The following CALN1 variants were observed in gnomAD, a reference collection of about 807,000 sequenced individuals.
CALN1 encodes calcium-binding protein 8.
Under a neutral mutation model 30.6 loss-of-function variants are expected in CALN1, and 17 were observed. The observed-to-expected ratio is 0.56, with a 90% CI of 0.38 to 0.83. CALN1 has a LOEUF of 0.83. CALN1 is among the 40% of genes least tolerant of loss of function. CALN1 has a pLI of 0.00. For synonymous variants in CALN1, 156 were observed against 131.4 expected, an observed-to-expected ratio of 1.19 and a Z score of -1.28; for missense variants, 291 against 354.9, an observed-to-expected ratio of 0.82 and a Z score of 1.45.
intron 2 of CALN1, among the ~76,000 whole-genome samples, chr7:72,366,680 A>G (rs897921773): frequency 6.6e-6 from 1 of 152,164 alleles, no homozygotes; most frequent in African/African-American, 2.4e-5. Context: ...TATAATGAAT[A>G]TTATTAATTG....
At chr7:72,288,748 T>C (rs6947575) in intron 2 of CALN1, among the ~76,000 whole-genome samples, 46,948 of 152,104 alleles carry the variant, frequency 0.31, 7,814 homozygotes, top group Non-Finnish European at 0.37. Context: ...TTTTCATCTT[T>C]ATGTATTGGA....
intron 3 of CALN1, among the ~76,000 whole-genome samples, chr7:72,242,802 T>G (rs1794924508): frequency 6.6e-6 from 1 of 152,108 alleles, no homozygotes; most frequent in Non-Finnish European, 1.5e-5. Context: ...GCAGGAGAAT[T>G]GCTTCAACCT....
chr7:72,091,978 A>G (rs1220160016), intron 4 of CALN1, among the ~76,000 whole-genome samples: 1 of 152,216 alleles, frequency 6.6e-6, no homozygotes, highest in East Asian at 1.9e-4. Flanking sequence ...CAATTTCAAT[A>G]ATTTACATTT....
chr7:71,829,624 G>A (rs1224345202), intron 5 of CALN1, among the ~76,000 whole-genome samples: 1 of 152,214 alleles, frequency 6.6e-6, no homozygotes, highest in African/African-American at 2.4e-5. Flanking sequence ...GCTAGTGGCG[G>A]CCACACAGCT....
At chr7:72,398,673 G>A (rs772151702) in intron 2 of CALN1, among the ~76,000 whole-genome samples, 2 of 152,214 alleles carry the variant, frequency 1.3e-5, no homozygotes, top group Non-Finnish European at 2.9e-5. Flanking sequence ...CAATCTCATA[G>A]TCTGGACAAG....
rs1192977273 is a variant in CALN1 at position 72,070,417 on chromosome 7, C to A, written c.388+35734G>T. On this transcript the variant is annotated intron_variant, in intron 4 of 6. Transcript: ENST00000395275. Reference sequence around the variant, plus strand: ...GTCCATGAGGCTCTGCCTGGCCCAGCATTCTGTTGTTTACGGAAACCTCAG... The same window carrying A: ...GTCCATGAGGCTCTGCCTGGCCCAGAATTCTGTTGTTTACGGAAACCTCAG... Among the ~76,000 whole-genome samples, 4 of 152,310 alleles carry A rather than the reference C, an allele frequency of 2.6e-5. No individual in the cohort carries two copies. In the East Asian group the frequency reaches 7.7e-4, roughly 29 times the overall value.
chr7:72,371,810 T>C (rs568679271), intron 2 of CALN1, among the ~76,000 whole-genome samples: 1 of 152,354 alleles, frequency 6.6e-6, no homozygotes, highest in East Asian at 1.9e-4. Flanking sequence ...ATCAATTCAG[T>C]AGTCTTCCAT....
chr7:71,891,373 G>A lies in CALN1; in HGVS notation c.502-80881C>T, dbSNP rs529183336. On this transcript the variant is annotated intron_variant, in intron 5 of 6. Coordinates refer to ENST00000395275, the MANE Select transcript of CALN1 (RefSeq NM_031468.4). ...GCTCATTATTCTTCTGGACTTACTCGACACAAGTCATGTTCAAGGGAGCCT... is the reference window on the plus strand; with the variant it reads ...GCTCATTATTCTTCTGGACTTACTCAACACAAGTCATGTTCAAGGGAGCCT... 3.3e-5 allele frequency among the ~76,000 whole-genome samples: 5 copies of A among 152,192 alleles called. No homozygotes were observed. The East Asian group carries it at 5.8e-4, about 18-fold the overall frequency.
At chr7:72,228,184 T>G (rs1025745841) in intron 3 of CALN1, among the ~76,000 whole-genome samples, 1 of 151,972 alleles carries the variant, frequency 6.6e-6, no homozygotes, top group Non-Finnish European at 1.5e-5. Flanking sequence ...GTGATCCCAA[T>G]GTGTTTCTCT....
At chr7:72,407,597 G>A (rs1349725503) in intron 1 of CALN1, among the ~76,000 whole-genome samples, 1 of 152,046 alleles carries the variant, frequency 6.6e-6, no homozygotes, top group Non-Finnish European at 1.5e-5. Flanking sequence ...CACCATAATT[G>A]TAAGTTTCCT....
At chr7:72,485,628 T>C in the CALN1 span, among the ~76,000 whole-genome samples, 1 of 152,216 alleles carries the variant, frequency 6.6e-6, no homozygotes, top group Non-Finnish European at 1.5e-5. Context: ...TCCCAGCACT[T>C]TGGGAGGCCC....
chr7:72,211,554 A>G (rs73141596), intron 3 of CALN1, among the ~76,000 whole-genome samples: 26,357 of 152,136 alleles, frequency 0.17, 2,846 homozygotes, highest in East Asian at 0.31. Flanking sequence ...TGATGATCCA[A>G]GAAACGACTC....
intron 5 of CALN1, among the ~76,000 whole-genome samples, chr7:72,012,769 G>A (rs1800157093): frequency 1.3e-5 from 2 of 152,178 alleles, no homozygotes; most frequent in Admixed American, 6.6e-5. Context: ...GCTGGCAGCT[G>A]CATTAATTTT....
chr7:71,955,868 G>T (rs17144138), intron 5 of CALN1, among the ~76,000 whole-genome samples: 39,792 of 151,868 alleles, frequency 0.26, 5,962 homozygotes, highest in East Asian at 0.69. Flanking sequence ...GGGCTTGAGG[G>T]CTGAAGATTG....
intron 2 of CALN1, among the ~76,000 whole-genome samples, chr7:72,367,566 A>G (rs1214833089): frequency 6.6e-6 from 1 of 151,652 alleles, no homozygotes; most frequent in African/African-American, 2.4e-5. Context: ...TCAAGGTTAC[A>G]GAAGCCTATG....
At chr7:72,022,346 C>G (rs544244117) in intron 5 of CALN1, among the ~76,000 whole-genome samples, 88 of 152,292 alleles carry the variant, frequency 5.8e-4, no homozygotes, top group African/African-American at 2.0e-3. Context: ...TAATTAATCA[C>G]TTGTTTGTTT....
intron 5 of CALN1, among the ~76,000 whole-genome samples, chr7:71,902,877 CAGAA>C (rs1455697364): frequency 2.0e-5 from 3 of 151,912 alleles, no homozygotes; most frequent in Non-Finnish European, 4.4e-5. Flanking sequence ...TGAAATAACT[CAGAA>C]AGTCAAATAC....
chr7:72,319,667 A>G (rs188218954), intron 2 of CALN1, among the ~76,000 whole-genome samples: 4 of 152,226 alleles, frequency 2.6e-5, no homozygotes, highest in African/African-American at 9.6e-5. Context: ...TTGGTTTCCA[A>G]GCTATGCACA....
At chr7:72,478,474 G>A in the CALN1 span, among the ~76,000 whole-genome samples, 1 of 151,602 alleles carries the variant, frequency 6.6e-6, no homozygotes, top group Non-Finnish European at 1.5e-5. Flanking sequence ...TGAAACAGGA[G>A]GATTCTTTGA....
Sources: gnomAD v4.1 joint callset for allele counts (sites outside exome capture counted in the v4.1 genomes callset) on GRCh38, gnomAD v4.1.1 for gene constraint, MANE v1.5 for transcripts, NCBI Gene and HGNC (gene_info 2026-07-23, HGNC 2026-07-21) for gene names.